Variants in ANKRD6 observed in about 807,000 individuals in gnomAD.
ANKRD6 encodes ankyrin repeat domain-containing protein 6.
In ANKRD6, 56 loss-of-function variants were observed where a neutral mutation model predicts 82.3. That is an observed-to-expected ratio of 0.68 (90% confidence interval 0.55 to 0.85). The LOEUF is 0.85. Among genes scored for constraint, ANKRD6 ranks in the 40% least tolerant of loss-of-function variants. The pLI is 0.00. For synonymous variants in ANKRD6, 347 were observed against 352.1 expected (o/e 0.99, Z 0.16); for missense variants, 852 against 907.6 (o/e 0.94, Z 0.79).
At chr6:89,479,154 T>C (rs1776465017) in intron 1 of ANKRD6, among the ~76,000 whole-genome samples, 1 of 152,160 alleles carries the variant, frequency 6.6e-6, no homozygotes. Context: ...TTGTGCAATT[T>C]TGGGCGATAA....
At chr6:89,588,657 T>G (rs1001653749) in intron 2 of ANKRD6, among the ~76,000 whole-genome samples, 9 of 152,196 alleles carry the variant, frequency 5.9e-5, no homozygotes, top group Non-Finnish European at 1.2e-4. Flanking sequence ...TCAGATTTTC[T>G]GCCCTTTTAT....
chr6:89,622,131 C>G, intron 10 of ANKRD6, 105 bp downstream of exon 10: 1 of 917,092 alleles, frequency 1.1e-6, no homozygotes. Context: ...CCGGCCCTCT[C>G]TGCCTCTCCT....
chr6:89,512,008 G>C (rs1780606540), intron 1 of ANKRD6, among the ~76,000 whole-genome samples: 1 of 151,862 alleles, frequency 6.6e-6, no homozygotes, highest in Non-Finnish European at 1.5e-5. Flanking sequence ...CGAACTCCTG[G>C]GCTTAGGTGA....
chr6:89,589,554 A>T (rs1242130159), intron 2 of ANKRD6, among the ~76,000 whole-genome samples: 1 of 152,130 alleles, frequency 6.6e-6, no homozygotes, highest in Non-Finnish European at 1.5e-5. Flanking sequence ...TCTTAACGGG[A>T]ATTCTTCTCC....
intron 1 of ANKRD6, among the ~76,000 whole-genome samples, chr6:89,538,848 A>G (rs1161806209): frequency 6.6e-6 from 1 of 152,170 alleles, no homozygotes; most frequent in East Asian, 1.9e-4. Flanking sequence ...TGATCTTAAT[A>G]CTTTCATGCA....
chr6:89,570,016 G>T (rs1320048169), intron 2 of ANKRD6, among the ~76,000 whole-genome samples: 1 of 151,344 alleles, frequency 6.6e-6, no homozygotes. Flanking sequence ...GTGAAGTCAA[G>T]TTTAATATTT....
intron 2 of ANKRD6, among the ~76,000 whole-genome samples, chr6:89,569,086 G>A (rs976007051): frequency 1.3e-5 from 2 of 151,898 alleles, no homozygotes; most frequent in Non-Finnish European, 1.5e-5. Context: ...CCTAATTTTT[G>A]TATTTTGAGT....
At chr6:89,469,094 G>A (rs1775166126) in intron 1 of ANKRD6, among the ~76,000 whole-genome samples, 1 of 152,178 alleles carries the variant, frequency 6.6e-6, no homozygotes, top group Non-Finnish European at 1.5e-5. Context: ...AAGAGAGGAG[G>A]ATGCACCTGT....
chr6:89,538,518 G>A (rs1784113111), intron 1 of ANKRD6, among the ~76,000 whole-genome samples: 1 of 152,158 alleles, frequency 6.6e-6, no homozygotes, highest in African/African-American at 2.4e-5. Context: ...GCACCATAAT[G>A]TAAGTCAACA....
chr6:89,587,021 T>C (rs1441086496), intron 2 of ANKRD6, among the ~76,000 whole-genome samples: 1 of 151,878 alleles, frequency 6.6e-6, no homozygotes, highest in Non-Finnish European at 1.5e-5. Context: ...AAACCCCACC[T>C]CTACTAAAAA....
chr6:89,522,128 A>G (rs1350833975), intron 1 of ANKRD6, among the ~76,000 whole-genome samples: 1 of 152,202 alleles, frequency 6.6e-6, no homozygotes, highest in Non-Finnish European at 1.5e-5. Context: ...TTATGGTCCC[A>G]TCATGGATGA....
intron 1 of ANKRD6, among the ~76,000 whole-genome samples, chr6:89,478,799 A>AT (rs910677040): frequency 2.7e-5 from 4 of 148,088 alleles, no homozygotes; most frequent in African/African-American, 5.0e-5. Flanking sequence ...TAAAAAAAAA[A>AT]TTTTTTTAAA....
intron 1 of ANKRD6, among the ~76,000 whole-genome samples, chr6:89,526,396 C>T (rs1782499928): frequency 6.6e-6 from 1 of 152,174 alleles, no homozygotes; most frequent in Non-Finnish European, 1.5e-5. Flanking sequence ...ACCTTTTCAT[C>T]TATGAACTCT....
At chr6:89,541,007 C>T (rs973182402) in intron 1 of ANKRD6, among the ~76,000 whole-genome samples, 2 of 152,176 alleles carry the variant, frequency 1.3e-5, no homozygotes, top group East Asian at 3.9e-4. Flanking sequence ...ATGTCAGTAC[C>T]TTGCTGTTTT....
chr6:89,603,015 G>T lies in ANKRD6; in HGVS notation c.220-14G>T. ...GGAGCTGACTGCTGTTCCTGCCTTT[G>T]TGTCACTTTGCAGGGGGACCAGACC... On this transcript the variant is annotated splice_polypyrimidine_tract_variant and intron_variant, in intron 3 of 15. Coordinates refer to ENST00000339746, the MANE Select transcript of ANKRD6 (RefSeq NM_001242809.2). 6.3e-7 allele frequency: 1 copy of T among 1,591,012 alleles called. No individual in the cohort carries two copies. Among genetic ancestry groups the T allele is most frequent in the Non-Finnish European group, 8.6e-7 (1 of 1,168,720 alleles).
chr6:89,563,685 G>C (rs1787866253), intron 1 of ANKRD6, among the ~76,000 whole-genome samples: 4 of 152,106 alleles, frequency 2.6e-5, no homozygotes. Flanking sequence ...CCAATTTACT[G>C]TCAGGGGTTC....
At chr6:89,494,956 C>T (rs1420020229) in intron 1 of ANKRD6, among the ~76,000 whole-genome samples, 1 of 152,152 alleles carries the variant, frequency 6.6e-6, no homozygotes, top group East Asian at 1.9e-4. Context: ...AAGCCAAGGC[C>T]GGGCACGGTG....
chr6:89,512,077 T>G (rs1192772737), intron 1 of ANKRD6, among the ~76,000 whole-genome samples: 1 of 152,068 alleles, frequency 6.6e-6, no homozygotes, highest in Non-Finnish European at 1.5e-5. Flanking sequence ...GACAGTTTGG[T>G]CTTAGGTATG....
intron 1 of ANKRD6, among the ~76,000 whole-genome samples, chr6:89,489,675 C>T (rs1214967602): frequency 6.6e-6 from 1 of 152,140 alleles, no homozygotes; most frequent in Non-Finnish European, 1.5e-5. Flanking sequence ...GAGAGCAAGG[C>T]ATGCCCATTT....
Sources: allele counts gnomAD v4.1 joint callset (sites outside exome capture counted in the v4.1 genomes callset), GRCh38; gene constraint gnomAD v4.1.1; transcripts MANE v1.5; gene names NCBI Gene and HGNC (gene_info 2026-07-23, HGNC 2026-07-21).